CDIN1: variants seen among roughly 807,000 people sequenced by gnomAD.
CDIN1 encodes the protein CDAN1-interacting nuclease 1.
Under a neutral mutation model 45.3 loss-of-function variants are expected in CDIN1, and 33 were observed. The observed-to-expected ratio is 0.73, with a 90% CI of 0.55 to 0.97. CDIN1 has a LOEUF of 0.97. CDIN1 is among the 50% of genes least tolerant of loss of function. The pLI is 0.00. For missense variants in CDIN1, 303 were observed against 339.4 expected (o/e 0.89, Z 0.84); for synonymous variants, 118 against 124.4 (o/e 0.95, Z 0.34).
chr15:36,720,491 T>C (rs996222749), intron 10 of CDIN1, among the ~76,000 whole-genome samples: 15 of 137,102 alleles, frequency 1.1e-4, no homozygotes, highest in Non-Finnish European at 2.3e-4. Context: ...AGTGATCCCA[T>C]TGTTCAGTTC....
At chr15:36,667,981 A>G (rs1566882871) in intron 5 of CDIN1, 1 of 152,128 alleles carries the variant, frequency 6.6e-6, no homozygotes, top group Non-Finnish European at 1.5e-5. Flanking sequence ...CATTGTATAC[A>G]AGCTAACCTT....
intron 5 of CDIN1, among the ~76,000 whole-genome samples, chr15:36,686,980 G>A (rs909770083): frequency 6.9e-6 from 1 of 145,390 alleles, no homozygotes; most frequent in Non-Finnish European, 1.5e-5. Context: ...GGAAAGGAAG[G>A]GAGGGACAAA....
At chr15:36,775,018 T>C (rs1451357252) in intron 10 of CDIN1, among the ~76,000 whole-genome samples, 1 of 152,224 alleles carries the variant, frequency 6.6e-6, no homozygotes, top group Non-Finnish European at 1.5e-5. Context: ...TTCAAACCAC[T>C]TTCTAATTAA....
At chr15:36,798,611 TTTTTA>T (rs1210520735) in intron 10 of CDIN1, 25 of 152,164 alleles carry the variant, frequency 1.6e-4, no homozygotes, top group Admixed American at 2.6e-4. Context: ...TTCCAATAAT[TTTTTA>T]TTTTAAGCAG....
intron 5 of CDIN1, among the ~76,000 whole-genome samples, chr15:36,679,506 A>G (rs539918926): frequency 1.3e-4 from 20 of 152,268 alleles, no homozygotes; most frequent in Non-Finnish European, 2.4e-4. Flanking sequence ...GCCTCGAACC[A>G]AGTCTGTCTG....
At chr15:36,710,550 G>A (rs1436290488) in intron 10 of CDIN1, among the ~76,000 whole-genome samples, 1 of 152,150 alleles carries the variant, frequency 6.6e-6, no homozygotes, top group Non-Finnish European at 1.5e-5. Flanking sequence ...TAAGCTGATA[G>A]AGAAAATGAT....
At chr15:36,783,278 A>C (rs1395772499) in intron 10 of CDIN1, among the ~76,000 whole-genome samples, 3 of 152,174 alleles carry the variant, frequency 2.0e-5, no homozygotes, top group African/African-American at 7.2e-5. Flanking sequence ...TCCCAGCCGC[A>C]CACCAGCAGT....
At chr15:36,725,575 A>G (rs1011055433) in intron 10 of CDIN1, among the ~76,000 whole-genome samples, 2 of 152,184 alleles carry the variant, frequency 1.3e-5, no homozygotes, top group African/African-American at 4.8e-5. Context: ...ATTAATGTAC[A>G]TAAAGGTAAA....
intron 10 of CDIN1, among the ~76,000 whole-genome samples, chr15:36,780,110 A>G (rs994513168): frequency 6.6e-6 from 1 of 152,192 alleles, no homozygotes; most frequent in Non-Finnish European, 1.5e-5. Flanking sequence ...TATGGTGTAT[A>G]AAGATATTGG....
chr15:36,755,410 C>G (rs1256797507), intron 10 of CDIN1, among the ~76,000 whole-genome samples: 1 of 152,120 alleles, frequency 6.6e-6, no homozygotes, highest in Non-Finnish European at 1.5e-5. Flanking sequence ...CTCATTGAAT[C>G]GCTGTTTTGT....
At chr15:36,692,289 T>C in intron 7 of CDIN1, 114 bp downstream of exon 7, 2 of 961,760 alleles carry the variant, frequency 2.1e-6, no homozygotes, top group Non-Finnish European at 3.1e-6. Flanking sequence ...TTTCATACTC[T>C]TCTATTTTAC....
At chr15:36,764,094 G>A (rs1216370963) in intron 10 of CDIN1, among the ~76,000 whole-genome samples, 1 of 152,088 alleles carries the variant, frequency 6.6e-6, no homozygotes, top group East Asian at 1.9e-4. Flanking sequence ...TCAGAGTGAA[G>A]TATCTATGCT....
intron 9 of CDIN1, 106 bp from the exon 10 acceptor site, chr15:36,709,750 C>A: frequency 1.3e-6 from 1 of 789,536 alleles, no homozygotes; most frequent in Non-Finnish European, 2.2e-6. Flanking sequence ...ATGGTAAGGG[C>A]TAAGCCTGTG....
intron 5 of CDIN1, among the ~76,000 whole-genome samples, chr15:36,666,680 T>G (rs2140511222): frequency 6.6e-6 from 1 of 152,300 alleles, no homozygotes. Flanking sequence ...TTCTCCTGGG[T>G]TAGAATGCCC....
At chr15:36,663,661 G>T (rs145855498) in intron 5 of CDIN1, among the ~76,000 whole-genome samples, 279 of 152,200 alleles carry the variant, frequency 1.8e-3, no homozygotes, top group African/African-American at 6.1e-3. Flanking sequence ...AGATAACCAG[G>T]ATTTGTGTAA....
At chr15:36,673,190 C>T (rs570088151) in intron 5 of CDIN1, among the ~76,000 whole-genome samples, 25 of 151,932 alleles carry the variant, frequency 1.6e-4, no homozygotes, top group African/African-American at 4.8e-4. Flanking sequence ...CTTTAGCAGC[C>T]GGGGAGATTT....
At chr15:36,755,334 G>C (rs1349082325) in intron 10 of CDIN1, among the ~76,000 whole-genome samples, 5 of 152,040 alleles carry the variant, frequency 3.3e-5, no homozygotes, top group Non-Finnish European at 7.4e-5. Context: ...TAGCTTTTTA[G>C]GTTCTTTCCT....
chr15:36,677,197 C>G (rs1247071195), intron 5 of CDIN1, among the ~76,000 whole-genome samples: 1 of 151,998 alleles, frequency 6.6e-6, no homozygotes, highest in African/African-American at 2.4e-5. Flanking sequence ...TGCCAAATAC[C>G]CTGACAAAAA....
chr15:36,738,530 C>T (rs1042527663), intron 10 of CDIN1, among the ~76,000 whole-genome samples: 10 of 152,120 alleles, frequency 6.6e-5, no homozygotes, highest in African/African-American at 2.2e-4. Flanking sequence ...CACACACTCC[C>T]CGCTTACCCA....
Sources: allele counts gnomAD v4.1 joint callset (sites outside exome capture counted in the v4.1 genomes callset), GRCh38; gene constraint gnomAD v4.1.1; transcripts MANE v1.5; gene names NCBI Gene and HGNC (gene_info 2026-07-23, HGNC 2026-07-21).